The following ZNF208 variants were observed in gnomAD, a reference collection of about 807,000 sequenced individuals.
ZNF208 encodes the protein zinc finger protein 208.
Under a neutral mutation model 12.1 loss-of-function variants are expected in ZNF208, and 10 were observed. That is an observed-to-expected ratio of 0.83 (90% CI 0.51 to 1.40). The LOEUF (loss-of-function observed/expected upper bound fraction) is 1.40. ZNF208 is among the 40% of genes most tolerant of loss of function. The pLI is 0.00. For synonymous variants in ZNF208, 497 were observed against 488.4 expected (o/e 1.02, Z -0.23); for missense variants, 1,652 against 1,485.0 (o/e 1.11, Z -1.85).
chr19:21,977,946 A>T (rs549551584), intron 3 of ZNF208, among the ~76,000 whole-genome samples: 1 of 152,164 alleles, frequency 6.6e-6, no homozygotes, highest in South Asian at 2.1e-4. Context: ...TTACCCTCAG[A>T]GTATAAACAA....
intron 1 of ZNF208, among the ~76,000 whole-genome samples, chr19:21,990,240 C>A (rs1970707997): frequency 6.6e-6 from 1 of 152,042 alleles, no homozygotes; most frequent in Admixed American, 6.6e-5. Flanking sequence ...GTCTTTAATC[C>A]ATCTTGAATT....
At chr19:21,982,953 G>A (rs1401824692) in intron 3 of ZNF208, among the ~76,000 whole-genome samples, 1 of 152,026 alleles carries the variant, frequency 6.6e-6, no homozygotes, top group East Asian at 1.9e-4. Flanking sequence ...CATAGGCATG[G>A]GCAAAGACTT....
intron 1 of ZNF208, among the ~76,000 whole-genome samples, chr19:21,998,998 C>T (rs559458445): frequency 6.9e-6 from 1 of 145,628 alleles, no homozygotes; most frequent in East Asian, 2.0e-4. Flanking sequence ...ATATATGACA[C>T]TAAAATTATG....
At chr19:21,963,196 T>C (rs1970107445), downstream of ZNF208, among the ~76,000 whole-genome samples, 1 of 152,054 alleles carries the variant, frequency 6.6e-6, no homozygotes, top group Non-Finnish European at 1.5e-5. Context: ...TTATTTTGCC[T>C]GAAGTACTGG....
downstream of ZNF208, among the ~76,000 whole-genome samples, chr19:21,961,389 A>T (rs1292264334): frequency 6.6e-6 from 1 of 152,166 alleles, no homozygotes; most frequent in Non-Finnish European, 1.5e-5. Context: ...CTTCTGAGGA[A>T]ATAGGGCAAG....
chr19:21,952,329 A>C (rs1198569459), intron 4 of ZNF208, among the ~76,000 whole-genome samples: 1 of 152,250 alleles, frequency 6.6e-6, no homozygotes, highest in Admixed American at 6.5e-5. Context: ...AGCTCTGAGA[A>C]TGGACAGACT....
intron 3 of ZNF208, among the ~76,000 whole-genome samples, chr19:21,977,347 G>C (rs1425386753): frequency 6.6e-6 from 1 of 152,182 alleles, no homozygotes; most frequent in Admixed American, 6.5e-5. Flanking sequence ...ACAGAAGGTG[G>C]GTGATTTCTG....
At chr19:21,996,241 G>A (rs1485895327) in intron 1 of ZNF208, among the ~76,000 whole-genome samples, 1 of 152,144 alleles carries the variant, frequency 6.6e-6, no homozygotes, top group Non-Finnish European at 1.5e-5. Context: ...ACTTTCATTA[G>A]CAGCACTTAC....
In ZNF208 at chr19:21,973,478, T is replaced by G. The variant is rs1227445668; in HGVS notation, c.1556A>C (p.His519Pro). The G allele has an allele frequency of 1.2e-6, 2 of 1,613,352 alleles. No homozygotes were observed. The highest frequency in any genetic ancestry group is 1.7e-6 in the Non-Finnish European group (2 of 1,179,864). ...ACATTTGTAGGGTTTCTCTCCAGTA[T>G]GAATTCTCTTATGTTCCATAAGGTT... ...SSNLMEHKRI[H>P]TGEKPYKCEE... is the part of the protein sequence containing the mutation. The change falls in exon 4 of 4, where the codon CAT becomes CCT. Residue 519 changes from histidine (H) to proline (P), a missense_variant. Coordinates refer to ENST00000397126, the MANE Select transcript of ZNF208 (RefSeq NM_007153.3).
intron 1 of ZNF208, among the ~76,000 whole-genome samples, chr19:22,000,174 A>G (rs561007126): frequency 1.3e-5 from 2 of 152,324 alleles, no homozygotes; most frequent in South Asian, 4.1e-4. Flanking sequence ...TAACAACAAT[A>G]TTACGACTTG....
At position 21,980,444 on chromosome 19, in the gene ZNF208, C is replaced by T. The variant is rs575154413; in HGVS notation, c.227-5637G>A. On this transcript the variant is annotated intron_variant, in intron 3 of 3. Coordinates refer to ENST00000397126, the MANE Select transcript of ZNF208 (RefSeq NM_007153.3). ...TCAAAACTGTACAACTACATGGAAA[C>T]TGAACAACCTGCTCCTGAATGATTA... Among the ~76,000 whole-genome samples the T allele has an allele frequency of 5.9e-5, 9 of 152,240 alleles. No individual in the cohort carries two copies. In the South Asian group the frequency reaches 1.9e-3, roughly 32 times the overall value.
At chr19:21,944,069 T>A (rs1194880548) in intron 4 of ZNF208, among the ~76,000 whole-genome samples, 1 of 152,184 alleles carries the variant, frequency 6.6e-6, no homozygotes, top group African/African-American at 2.4e-5. Flanking sequence ...TTTTATGAAT[T>A]TCATTAAATG....
chr19:21,959,004 C>T (rs1417386436), intron 4 of ZNF208, among the ~76,000 whole-genome samples: 1 of 151,924 alleles, frequency 6.6e-6, no homozygotes, highest in Admixed American at 6.6e-5. Context: ...ATTGCTTGAA[C>T]TTCGGAGGCT....
chr19:21,991,272 TGC>T (rs1308711822), intron 1 of ZNF208, among the ~76,000 whole-genome samples: 2 of 152,194 alleles, frequency 1.3e-5, no homozygotes. Flanking sequence ...TATTTTGAGA[TGC>T]ATCCCATCAA....
chr19:22,007,764 C>A, intron 1 of ZNF208, among the ~76,000 whole-genome samples: 1 of 151,808 alleles, frequency 6.6e-6, no homozygotes, highest in Admixed American at 6.6e-5. Context: ...CTTTGGGAGG[C>A]CAAGGCAGGC....
intron 4 of ZNF208, among the ~76,000 whole-genome samples, chr19:21,946,026 C>A (rs1230701176): frequency 2.0e-5 from 3 of 152,184 alleles, no homozygotes; most frequent in African/African-American, 4.8e-5. Flanking sequence ...TTTGCACACA[C>A]CTCTGGCTTA....
At chr19:21,980,153 T>TA (rs1397110207) in intron 3 of ZNF208, among the ~76,000 whole-genome samples, 1 of 151,670 alleles carries the variant, frequency 6.6e-6, no homozygotes, top group African/African-American at 2.4e-5. Flanking sequence ...CCAGTGTCAA[T>TA]ATTAGCCAGA....
At chr19:21,993,833 AG>A (rs1970782151) in intron 1 of ZNF208, among the ~76,000 whole-genome samples, 1 of 152,150 alleles carries the variant, frequency 6.6e-6, no homozygotes, top group Non-Finnish European at 1.5e-5. Flanking sequence ...AAGTTTGCAG[AG>A]GAAAAAAAAA....
chr19:21,959,154 A>T (rs1287585957), intron 4 of ZNF208, among the ~76,000 whole-genome samples: 1 of 152,216 alleles, frequency 6.6e-6, no homozygotes, highest in Non-Finnish European at 1.5e-5. Flanking sequence ...AGCATCAAGG[A>T]CAGGACCCTG....
Sources: gnomAD v4.1 joint callset for allele counts (sites outside exome capture counted in the v4.1 genomes callset) on GRCh38, gnomAD v4.1.1 for gene constraint, MANE v1.5 for transcripts, NCBI Gene and HGNC (gene_info 2026-07-23, HGNC 2026-07-21) for gene names.